ATP8A1: variants seen among roughly 807,000 people sequenced by gnomAD.
The protein encoded by ATP8A1 is phospholipid-transporting ATPase IA.
A neutral mutation model predicts 177.7 loss-of-function variants in ATP8A1; 90 were observed. The observed-to-expected ratio is 0.51, with a 90% CI of 0.43 to 0.60. The LOEUF (loss-of-function observed/expected upper bound fraction) is 0.60, where lower values mean the gene tolerates loss of function less well. Among genes scored for constraint, ATP8A1 ranks in the 20% least tolerant of loss-of-function variants. ATP8A1 has a pLI of 0.00. For synonymous variants in ATP8A1, 493 were observed against 485.9 expected (o/e 1.01, Z -0.19); for missense variants, 1,072 against 1,392.8 (o/e 0.77, Z 3.67).
At chr4:42,449,803 C>T (rs1028549928) in intron 30 of ATP8A1, among the ~76,000 whole-genome samples, 3 of 152,158 alleles carry the variant, frequency 2.0e-5, no homozygotes, top group Admixed American at 1.3e-4. Context: ...TCCAGAGAGA[C>T]GTAATGATGG....
At chr4:42,592,392 C>G (rs568906123) in intron 6 of ATP8A1, among the ~76,000 whole-genome samples, 10 of 152,156 alleles carry the variant, frequency 6.6e-5, no homozygotes, top group Middle Eastern at 3.4e-3. Flanking sequence ...TGGATAGAGT[C>G]AGACGGCAAA....
intron 30 of ATP8A1, among the ~76,000 whole-genome samples, chr4:42,449,499 A>G (rs190852983): frequency 1.3e-5 from 2 of 152,314 alleles, no homozygotes; most frequent in African/African-American, 4.8e-5. Context: ...GAATAGATGA[A>G]TATGTAGCTA....
At chr4:42,586,056 C>G (rs571274302) in intron 9 of ATP8A1, among the ~76,000 whole-genome samples, 1 of 152,154 alleles carries the variant, frequency 6.6e-6, no homozygotes, top group Non-Finnish European at 1.5e-5. Flanking sequence ...ACAGGTAATT[C>G]TTACTCCCAT....
intron 1 of ATP8A1, among the ~76,000 whole-genome samples, chr4:42,656,414 G>A (rs551086813): frequency 3.3e-4 from 51 of 152,304 alleles, no homozygotes; most frequent in African/African-American, 1.2e-3. Context: ...CTGCAGCCGG[G>A]GAAAAGCAAA....
chr4:42,548,072 G>A (rs1237020311), intron 19 of ATP8A1, among the ~76,000 whole-genome samples: 1 of 152,114 alleles, frequency 6.6e-6, no homozygotes, highest in Admixed American at 6.6e-5. Flanking sequence ...AAACTCACAG[G>A]CTTATCACTG....
chr4:42,551,123 T>C lies in ATP8A1; in HGVS notation c.1602+75A>G, dbSNP rs1022887473. 1.1e-5 allele frequency: 14 copies of C among 1,225,042 alleles called. No homozygotes were observed. In the Admixed American group the frequency reaches 1.2e-4, roughly 11 times the overall value. 75.9% of individuals were successfully genotyped at this position (1,225,042 alleles called of 1,614,324 possible). A position where few individuals can be genotyped will look rare whatever the true frequency, so the allele number is the denominator to read the frequency against. On this transcript the variant is annotated intron_variant, in intron 18 of 36. Transcript: ENST00000381668. ...AACCTCTATTTTACTATGAGCCTTT[T>C]GGTATTACTTTATCTTTGAAGCTAT...
intron 20 of ATP8A1, among the ~76,000 whole-genome samples, chr4:42,541,799 T>C (rs1728417668): frequency 6.6e-6 from 1 of 152,046 alleles, no homozygotes; most frequent in Non-Finnish European, 1.5e-5. Flanking sequence ...TCTAACTATA[T>C]GACATTCTGG....
chr4:42,530,413 T>G (rs1169551863), intron 20 of ATP8A1, among the ~76,000 whole-genome samples: 3 of 152,256 alleles, frequency 2.0e-5, no homozygotes, highest in Non-Finnish European at 4.4e-5. Context: ...GGTTTGCCTA[T>G]CCTGCACGCA....
intron 22 of ATP8A1, among the ~76,000 whole-genome samples, chr4:42,516,135 G>C (rs1044329670): frequency 6.6e-6 from 1 of 152,054 alleles, no homozygotes; most frequent in Non-Finnish European, 1.5e-5. Flanking sequence ...GTTAACATAG[G>C]CTAGTCAGTC....
At chr4:42,589,960 G>C (rs1328507471) in intron 7 of ATP8A1, among the ~76,000 whole-genome samples, 2 of 151,878 alleles carry the variant, frequency 1.3e-5, no homozygotes, top group Non-Finnish European at 2.9e-5. Flanking sequence ...AATAAGCATC[G>C]AAATTCAGAA....
intron 1 of ATP8A1, among the ~76,000 whole-genome samples, chr4:42,629,124 T>G (rs1381465152): frequency 6.6e-6 from 1 of 152,214 alleles, no homozygotes; most frequent in Non-Finnish European, 1.5e-5. Flanking sequence ...GGGCAAAGGA[T>G]TTTCCTTGAA....
At chr4:42,576,246 C>T (rs147569738) in intron 12 of ATP8A1, among the ~76,000 whole-genome samples, 107 of 151,878 alleles carry the variant, frequency 7.0e-4, no homozygotes, top group African/African-American at 2.4e-3. Flanking sequence ...CCAAGATGGG[C>T]GGATCACGAG....
At chr4:42,533,714 AAACAAAACCAGCACACTT>A (rs1727503363) in intron 20 of ATP8A1, among the ~76,000 whole-genome samples, 1 of 152,084 alleles carries the variant, frequency 6.6e-6, no homozygotes, top group Non-Finnish European at 1.5e-5. Flanking sequence ...AGGCCAACCA[AAACAAAACCAGCACACTT>A]AACAAAAATA....
intron 24 of ATP8A1, 90 bp from the exon 25 acceptor site, chr4:42,485,758 G>T: frequency 2.9e-6 from 3 of 1,039,076 alleles, no homozygotes; most frequent in East Asian, 2.6e-5. Flanking sequence ...ACTACATTTA[G>T]TTATTTTTAG....
chr4:42,639,986 G>A (rs1739805055), intron 1 of ATP8A1, among the ~76,000 whole-genome samples: 1 of 152,190 alleles, frequency 6.6e-6, no homozygotes, highest in South Asian at 2.1e-4. Flanking sequence ...GTGGCAAATT[G>A]AAGTTTTGCT....
At chr4:42,563,248 T>C (rs895548310) in intron 15 of ATP8A1, among the ~76,000 whole-genome samples, 1 of 152,218 alleles carries the variant, frequency 6.6e-6, no homozygotes, top group Non-Finnish European at 1.5e-5. Flanking sequence ...ACTCTTGTTA[T>C]GTTTAACAAA....
intron 14 of ATP8A1, among the ~76,000 whole-genome samples, chr4:42,571,238 A>G (rs559473183): frequency 6.6e-6 from 1 of 152,320 alleles, no homozygotes; most frequent in African/African-American, 2.4e-5. Context: ...CAGCAAATAT[A>G]TAGCTAAACC....
chr4:42,475,819 C>T (rs183665013), intron 25 of ATP8A1, among the ~76,000 whole-genome samples: 182 of 152,098 alleles, frequency 1.2e-3, no homozygotes, highest in African/African-American at 4.1e-3. Flanking sequence ...GGGTAGATCA[C>T]CTGAGGTCAG....
intron 8 of ATP8A1, among the ~76,000 whole-genome samples, 158 bp downstream of exon 8, chr4:42,588,102 C>T (rs1032112344): frequency 2.6e-5 from 4 of 152,192 alleles, no homozygotes; most frequent in Admixed American, 6.5e-5. Flanking sequence ...TTCCATAATA[C>T]TTAACAATAC....
Sources: allele counts gnomAD v4.1 joint callset (sites outside exome capture counted in the v4.1 genomes callset), GRCh38; gene constraint gnomAD v4.1.1; transcripts MANE v1.5; gene names NCBI Gene and HGNC (gene_info 2026-07-23, HGNC 2026-07-21).